TXNRD1: variants seen among roughly 807,000 people sequenced by gnomAD.
The protein encoded by TXNRD1 is thioredoxin reductase 1, also known as thioredoxin reductase 1, cytoplasmic.
TXNRD1 carries 57 observed loss-of-function variants against 80.3 expected under a neutral mutation model. That is an observed-to-expected ratio of 0.71 (90% CI 0.57 to 0.89). The LOEUF (loss-of-function observed/expected upper bound fraction) is 0.89. Ranked by LOEUF, TXNRD1 falls within the 40% of genes least tolerant of loss-of-function variation. The pLI is 0.00. For synonymous variants in TXNRD1, 291 were observed against 285.2 expected, an observed-to-expected ratio of 1.02 and a Z score of -0.20; for missense variants, 730 against 803.0, an observed-to-expected ratio of 0.91 and a Z score of 1.10.
At chr12:104,262,272 C>T (rs1164217334) in intron 3 of TXNRD1, 1 of 150,710 alleles carries the variant, frequency 6.6e-6, no homozygotes, top group Non-Finnish European at 1.5e-5. Flanking sequence ...AGTTTGACAC[C>T]CCGTTCTAAG....
chr12:104,288,888 G>A (rs757120585), intron 3 of TXNRD1, 43 bp from the exon 4 acceptor site: 461 of 1,613,692 alleles, frequency 2.9e-4, no homozygotes, highest in Non-Finnish European at 3.6e-4. Context: ...GTTAGCGGGG[G>A]AGAAGCACCT....
chr12:104,303,447 G>C (rs564826486), intron 4 of TXNRD1, among the ~76,000 whole-genome samples: 25 of 152,322 alleles, frequency 1.6e-4, no homozygotes, highest in Middle Eastern at 3.4e-3. Flanking sequence ...GGCAGCGAGC[G>C]TTTTAAAGCG....
intron 2 of TXNRD1, among the ~76,000 whole-genome samples, chr12:104,253,301 G>A (rs1481689825): frequency 6.6e-6 from 1 of 152,114 alleles, no homozygotes; most frequent in Non-Finnish European, 1.5e-5. Flanking sequence ...CTGCATCGAT[G>A]CCACCTTAGG....
chr12:104,257,928 G>A (rs2033291746), intron 2 of TXNRD1, 91 bp from the exon 3 acceptor site: 2 of 949,750 alleles, frequency 2.1e-6, no homozygotes, highest in Non-Finnish European at 3.2e-6. Context: ...AAGGCTGGTT[G>A]AGGAAGGAAG....
intron 2 of TXNRD1, among the ~76,000 whole-genome samples, chr12:104,254,492 C>T (rs1276275337): frequency 6.6e-6 from 1 of 151,600 alleles, no homozygotes; most frequent in Non-Finnish European, 1.5e-5. Flanking sequence ...TATTTTCAAA[C>T]ATTATTAAAG....
intron 16 of TXNRD1, 63 bp downstream of exon 16, chr12:104,339,336 C>A: frequency 1.9e-6 from 3 of 1,597,142 alleles, no homozygotes; most frequent in South Asian, 2.2e-5. Context: ...AGCACACCAC[C>A]CAGCTTATAC....
intron 3 of TXNRD1, chr12:104,276,684 A>C (rs1593740182): frequency 6.6e-6 from 1 of 152,216 alleles, no homozygotes; most frequent in South Asian, 2.1e-4. Context: ...GCCAGATGCC[A>C]GGGTAAGAAA....
intron 16 of TXNRD1, among the ~76,000 whole-genome samples, chr12:104,342,714 T>G (rs1396667422): frequency 6.6e-6 from 1 of 152,204 alleles, no homozygotes; most frequent in African/African-American, 2.4e-5. Flanking sequence ...AGTGATGGTC[T>G]TGTAAACTAA....
rs1034846457 is a variant in TXNRD1 at position 104,349,720 on chromosome 12, G to A, written c.*1299G>A. On this transcript the variant is annotated 3_prime_UTR_variant, in exon 17 of 17. Transcript: ENST00000525566. ...ACTGTGTAGGTTGAGTTTTGAACAC[G>A]TGCTTGTGGACATCAGGCCTCCTGC... The A allele has an allele frequency of 6.6e-6, 1 of 152,348 alleles. No individual in the cohort carries two copies. The highest frequency in any genetic ancestry group is 2.4e-5 in the African/African-American group (1 of 41,434). 9.4% of individuals were successfully genotyped at this position (152,348 alleles called of 1,614,324 possible).
chr12:104,219,039 C>G (rs1773946767), intron 1 of TXNRD1, among the ~76,000 whole-genome samples: 1 of 152,184 alleles, frequency 6.6e-6, no homozygotes, highest in Non-Finnish European at 1.5e-5. Context: ...AACTGCTGGG[C>G]TCAAGTAATC....
intron 6 of TXNRD1, among the ~76,000 whole-genome samples, chr12:104,314,738 C>CTTTTTT (rs11330431): frequency 1.6e-4 from 17 of 103,660 alleles, no homozygotes; most frequent in Non-Finnish European, 2.2e-4. Flanking sequence ...AAATTTTTTT[C>CTTTTTT]TTTTTTTTTT....
At chr12:104,247,694 T>C (rs1422520296) in intron 1 of TXNRD1, among the ~76,000 whole-genome samples, 1 of 152,216 alleles carries the variant, frequency 6.6e-6, no homozygotes, top group East Asian at 1.9e-4. Flanking sequence ...AATGCAGTTC[T>C]TCTTAATCAC....
At chr12:104,244,827 G>C (rs1487669411) in intron 1 of TXNRD1, among the ~76,000 whole-genome samples, 1 of 152,116 alleles carries the variant, frequency 6.6e-6, no homozygotes, top group Non-Finnish European at 1.5e-5. Context: ...TTGAAGACAG[G>C]GAAAAGAAAG....
intron 15 of TXNRD1, among the ~76,000 whole-genome samples, chr12:104,335,461 A>G (rs2036105571): frequency 6.6e-6 from 1 of 152,102 alleles, no homozygotes; most frequent in Non-Finnish European, 1.5e-5. Flanking sequence ...TGGTCTCCCA[A>G]AGTGCTGGGA....
intron 16 of TXNRD1, among the ~76,000 whole-genome samples, chr12:104,344,478 A>C (rs1291676149): frequency 1.3e-5 from 2 of 152,128 alleles, no homozygotes; most frequent in East Asian, 3.8e-4. Context: ...TGACACAATA[A>C]TTGTACATAT....
In TXNRD1 at chr12:104,268,519, C is replaced by T. The variant is rs1410230533; in HGVS notation, c.304+10440C>T. Among the ~76,000 whole-genome samples, 6 of 151,682 alleles carry T rather than the reference C, an allele frequency of 4.0e-5. No individual in the cohort carries two copies. The East Asian group carries it at 6.0e-4, about 15-fold the overall frequency. On this transcript the variant is annotated intron_variant, in intron 3 of 16. Transcript: ENST00000525566. ...TAGCCTGGGTGACAGAGCGAGACTC[C>T]GTCTCAAAAAAAAAGAAAGAAAGAG...
chr12:104,239,867 T>C (rs1477357700), intron 1 of TXNRD1, among the ~76,000 whole-genome samples: 1 of 152,224 alleles, frequency 6.6e-6, no homozygotes, highest in Non-Finnish European at 1.5e-5. Context: ...CGTTGGCATA[T>C]AATTGAATTT....
Position 104,274,724 on chromosome 12 carries a change from AAAT to A in TXNRD1, c.305-14195_305-14193del, listed in dbSNP as rs1003616795. 1.2e-3 allele frequency among the ~76,000 whole-genome samples: 178 copies of A among 142,832 alleles called. 1 individual carries two copies. In the East Asian group the frequency reaches 0.015, roughly 12 times the overall value. The allele number at this position is 142,832 out of a possible 152,430, so 93.7% of individuals were successfully genotyped here. The stretch of plus-strand genomic sequence containing the variant: ...AAAAAAAAAAAATTAATAATAAAAA[AAAT>A]AATAATAATAAGCTATATGGCACTT... On this transcript the variant is annotated intron_variant, in intron 3 of 16. Coordinates refer to ENST00000525566, the MANE Select transcript of TXNRD1 (RefSeq NM_001093771.3).
At position 104,230,654 on chromosome 12, in the gene TXNRD1, G is replaced by GGTTTT. The variant is rs551813643; in HGVS notation, c.91+14777_91+14781dup. ...AAAGTCTTTTTCCATTTTTTAATTGGGTTTTGTTTTGTTTTGTTTTAAGGA... is the reference window on the plus strand; with the variant it reads ...AAAGTCTTTTTCCATTTTTTAATTGGGTTTTGTTTTGTTTTGTTTTGTTTTAAGGA... On this transcript the variant is annotated intron_variant, in intron 1 of 16. Coordinates refer to ENST00000525566, the MANE Select transcript of TXNRD1 (RefSeq NM_001093771.3). Among the ~76,000 whole-genome samples the GGTTTT allele has an allele frequency of 1.2e-4, 19 of 152,130 alleles. No homozygotes were observed. The South Asian group carries it at 2.5e-3, about 20-fold the overall frequency.
Sources: gnomAD v4.1 joint callset for allele counts (sites outside exome capture counted in the v4.1 genomes callset) on GRCh38, gnomAD v4.1.1 for gene constraint, MANE v1.5 for transcripts, NCBI Gene and HGNC (gene_info 2026-07-23, HGNC 2026-07-21) for gene names.